The following PALM2AKAP2 variants were observed in gnomAD, a reference collection of about 807,000 sequenced individuals.
PALM2AKAP2 encodes the protein PALM2 and AKAP2 fusion.
A neutral mutation model predicts 71.5 loss-of-function variants in PALM2AKAP2; 37 were observed. The ratio of observed to expected loss-of-function variants is 0.52; its 90% CI spans 0.40 to 0.68. The LOEUF (loss-of-function observed/expected upper bound fraction) is 0.68. PALM2AKAP2 is among the 30% of genes least tolerant of loss of function. The probability of loss-of-function intolerance (pLI) is 0.00; values close to 1 mark genes in which losing one functional copy is unlikely to be tolerated. For missense variants in PALM2AKAP2, 1,224 were observed against 1,191.8 expected (o/e 1.03, Z -0.40); for synonymous variants, 468 against 478.8 (o/e 0.98, Z 0.29).
chr9:109,794,236 A>C (rs1459206723), intron 1 of PALM2AKAP2, among the ~76,000 whole-genome samples: 2 of 152,158 alleles, frequency 1.3e-5, no homozygotes, highest in Non-Finnish European at 2.9e-5. Flanking sequence ...TATCTAAGCC[A>C]ACTGCATGTT....
chr9:109,888,373 G>A (rs1205526120), intron 3 of PALM2AKAP2, among the ~76,000 whole-genome samples: 1 of 152,126 alleles, frequency 6.6e-6, no homozygotes, highest in Admixed American at 6.5e-5. Context: ...GTAGAGGTCA[G>A]GTGTGTTTGT....
At chr9:109,677,285 T>A (rs920726821) in intron 1 of PALM2AKAP2, among the ~76,000 whole-genome samples, 5 of 152,104 alleles carry the variant, frequency 3.3e-5, no homozygotes, top group African/African-American at 2.4e-5. Context: ...ACTTAGAGAT[T>A]TTTGGATCCT....
intron 3 of PALM2AKAP2, among the ~76,000 whole-genome samples, chr9:109,920,002 G>C (rs906845851): frequency 3.3e-5 from 5 of 152,176 alleles, no homozygotes; most frequent in African/African-American, 1.2e-4. Context: ...CATAGGGCCA[G>C]GGCACACTGT....
chr9:109,803,104 A>G (rs183006077), intron 1 of PALM2AKAP2, among the ~76,000 whole-genome samples: 34 of 103,806 alleles, frequency 3.3e-4, no homozygotes, highest in Admixed American at 6.3e-4. Flanking sequence ...GTTTTTGGGG[A>G]AAAAAAAAGA....
intron 1 of PALM2AKAP2, among the ~76,000 whole-genome samples, chr9:109,808,791 GT>G (rs1372454073): frequency 6.6e-6 from 1 of 152,202 alleles, no homozygotes; most frequent in African/African-American, 2.4e-5. Flanking sequence ...AGGAAAAGGT[GT>G]TTTTTTGGGC....
chr9:109,698,954 G>T (rs979785665), intron 1 of PALM2AKAP2, among the ~76,000 whole-genome samples: 1 of 152,112 alleles, frequency 6.6e-6, no homozygotes, highest in East Asian at 1.9e-4. Flanking sequence ...AATGCTATAT[G>T]CATGTATAAT....
At chr9:109,823,985 G>T (rs1042750304) in intron 1 of PALM2AKAP2, among the ~76,000 whole-genome samples, 2 of 152,064 alleles carry the variant, frequency 1.3e-5, no homozygotes, top group African/African-American at 4.8e-5. Context: ...ACCTCCCCCA[G>T]CTCAGGTGAT....
chr9:109,992,099 C>G (rs1340533673), intron 6 of PALM2AKAP2, among the ~76,000 whole-genome samples: 2 of 152,114 alleles, frequency 1.3e-5, no homozygotes, highest in Admixed American at 1.3e-4. Context: ...GTTCTGGAGC[C>G]TAGAAGTCCA....
intron 2 of PALM2AKAP2, among the ~76,000 whole-genome samples, chr9:109,875,167 C>A (rs541337922): frequency 1.3e-5 from 2 of 152,204 alleles, no homozygotes; most frequent in Non-Finnish European, 2.9e-5. Flanking sequence ...GGTCCACAAA[C>A]ACACCAAACT....
chr9:109,805,272 G>A (rs1827540901), intron 1 of PALM2AKAP2, among the ~76,000 whole-genome samples: 1 of 152,192 alleles, frequency 6.6e-6, no homozygotes, highest in Non-Finnish European at 1.5e-5. Flanking sequence ...AGAGAAAACA[G>A]GGAATCACTC....
chr9:110,129,687 G>A (rs1432783606), intron 1 of PALM2AKAP2, among the ~76,000 whole-genome samples: 1 of 152,204 alleles, frequency 6.6e-6, no homozygotes, highest in African/African-American at 2.4e-5. Context: ...CACAGGACAG[G>A]CTTGTCAGGG....
At chr9:109,907,373 C>T (rs1187107838) in intron 3 of PALM2AKAP2, among the ~76,000 whole-genome samples, 2 of 152,196 alleles carry the variant, frequency 1.3e-5, no homozygotes, top group Non-Finnish European at 2.9e-5. Flanking sequence ...ACTTCCCTTC[C>T]AAGACCTGAA....
intron 3 of PALM2AKAP2, among the ~76,000 whole-genome samples, chr9:110,166,519 C>T (rs183825030): frequency 1.5e-4 from 23 of 152,224 alleles, no homozygotes; most frequent in Admixed American, 1.3e-4. Context: ...GAAAATTTCT[C>T]TATTTAACTA....
chr9:109,887,574 C>T (rs990907589), intron 3 of PALM2AKAP2, among the ~76,000 whole-genome samples: 2 of 151,986 alleles, frequency 1.3e-5, no homozygotes, highest in Non-Finnish European at 2.9e-5. Context: ...TTTCTGCCTC[C>T]ATTTAATTCA....
intron 1 of PALM2AKAP2, among the ~76,000 whole-genome samples, chr9:109,738,729 A>C (rs1169828538): frequency 1.3e-5 from 2 of 152,236 alleles, no homozygotes; most frequent in African/African-American, 4.8e-5. Context: ...GACTCTTTAC[A>C]CCATGCCCAG....
At chr9:109,904,795 C>A (rs1234443283) in intron 3 of PALM2AKAP2, among the ~76,000 whole-genome samples, 1 of 152,128 alleles carries the variant, frequency 6.6e-6, no homozygotes, top group Non-Finnish European at 1.5e-5. Context: ...TCTCTGTATC[C>A]AAGAGTTCAC....
intron 3 of PALM2AKAP2, among the ~76,000 whole-genome samples, chr9:109,917,211 G>A (rs1183256898): frequency 6.6e-6 from 1 of 152,218 alleles, no homozygotes; most frequent in Non-Finnish European, 1.5e-5. Context: ...GGTGACCTCA[G>A]GGAGCTGAAA....
intron 6 of PALM2AKAP2, among the ~76,000 whole-genome samples, chr9:109,997,842 G>T (rs1263301117): frequency 6.6e-6 from 1 of 152,200 alleles, no homozygotes; most frequent in African/African-American, 2.4e-5. Context: ...TCAAACCCGG[G>T]GCAGAGCTTC....
At chr9:109,843,511 A>T (rs1267752958) in intron 1 of PALM2AKAP2, among the ~76,000 whole-genome samples, 1 of 152,108 alleles carries the variant, frequency 6.6e-6, no homozygotes, top group Non-Finnish European at 1.5e-5. Flanking sequence ...TGTATTTATC[A>T]TGTGTGAATA....
Sources: gnomAD v4.1 joint callset for allele counts (sites outside exome capture counted in the v4.1 genomes callset) on GRCh38, gnomAD v4.1.1 for gene constraint, MANE v1.5 for transcripts, NCBI Gene and HGNC (gene_info 2026-07-23, HGNC 2026-07-21) for gene names.